The following PROSER1 variants were observed in gnomAD, a reference collection of about 807,000 sequenced individuals.
PROSER1 encodes proline and serine rich 1.
In PROSER1, 36 loss-of-function variants were observed where a neutral mutation model predicts 71.8. The observed-to-expected ratio is 0.50, with a 90% CI of 0.38 to 0.66. PROSER1 has a LOEUF of 0.66. Ranked by LOEUF, PROSER1 falls within the 30% of genes least tolerant of loss-of-function variation. The probability of loss-of-function intolerance (pLI) is 0.00; values close to 1 mark genes in which losing one functional copy is unlikely to be tolerated. For synonymous variants in PROSER1, 490 were observed against 452.4 expected (o/e 1.08, Z -1.06); for missense variants, 1,107 against 1,135.0 (o/e 0.98, Z 0.35).
In PROSER1 at chr13:39,013,140, G is replaced by C; in HGVS notation, c.2112C>G (p.Thr704=). 2 of 1,614,054 alleles carry C rather than the reference G, an allele frequency of 1.2e-6. No homozygotes were observed. The highest frequency in any genetic ancestry group is 1.7e-6 in the Non-Finnish European group (2 of 1,179,996). The change falls in exon 11 of 13, where the codon ACC becomes ACG. Residue 704 remains threonine, a synonymous_variant. Coordinates refer to ENST00000352251, the MANE Select transcript of PROSER1 (RefSeq NM_025138.5). ...FTALPSFTSL[T]NNFPLTGNPS... is the part of the protein sequence containing the mutation. ...GGTTGCCAGTTAAAGGAAAATTGTT[G>C]GTCAAAGAAGTAAAAGAAGGAAGAG... is the stretch of plus-strand genomic sequence containing the variant.
At chr13:39,034,332 C>A in intron 1 of PROSER1, 136 bp from the exon 2 acceptor site, 1 of 563,494 alleles carries the variant, frequency 1.8e-6, no homozygotes, top group Non-Finnish European at 3.0e-6. Context: ...TTCAGAGGAA[C>A]TAAGGTCACT....
Position 39,037,405 on chromosome 13 carries a change from C to A in PROSER1, c.-163G>T. On this transcript the variant is annotated 5_prime_UTR_variant, in exon 1 of 13. Transcript: ENST00000352251. ...GAGGTAGAGAGTATTGCAAACTTCGCAAAAAAAATTTCTAAAAATTGAGAT... is the reference window on the plus strand; with the variant it reads ...GAGGTAGAGAGTATTGCAAACTTCGAAAAAAAAATTTCTAAAAATTGAGAT... 1 of 579,006 alleles carries A rather than the reference C, an allele frequency of 1.7e-6. No homozygotes were observed. The highest frequency in any genetic ancestry group is 3.1e-6 in the Non-Finnish European group (1 of 322,552). 35.9% of individuals were successfully genotyped at this position (579,006 alleles called of 1,614,324 possible).
At position 39,030,576 on chromosome 13, in the gene PROSER1, C is replaced by G. The variant is rs143909746; in HGVS notation, c.180+987G>C. Among the ~76,000 whole-genome samples the G allele has an allele frequency of 4.3e-3, 652 of 152,194 alleles. 9 individuals are homozygous for G. The highest frequency in any genetic ancestry group is 0.015 in the African/African-American group (631 of 41,536). On this transcript the variant is annotated intron_variant, in intron 3 of 12. Coordinates refer to ENST00000352251, the MANE Select transcript of PROSER1 (RefSeq NM_025138.5). ...AGTTAGGACTAAAGGAGCATACCAC[C>G]ACACCCAGCTAATTTAAATTTTTTA...
At chr13:39,017,744 T>C in intron 9 of PROSER1, 200 bp from the exon 10 acceptor site, 1 of 445,874 alleles carries the variant, frequency 2.2e-6, no homozygotes, top group Non-Finnish European at 3.9e-6. Flanking sequence ...TACTACTCTA[T>C]CTGAAGAGCA....
At chr13:39,028,904 C>T (rs538845510) in intron 4 of PROSER1, 1 of 158,024 alleles carries the variant, frequency 6.3e-6, no homozygotes. Context: ...TGGGTATGAG[C>T]CTTATTTTTA....
At chr13:39,029,837 A>T (rs1258122648) in intron 3 of PROSER1, among the ~76,000 whole-genome samples, 1 of 152,214 alleles carries the variant, frequency 6.6e-6, no homozygotes, top group Non-Finnish European at 1.5e-5. Flanking sequence ...CACTAGCCAT[A>T]TAAGGTAGGG....
At chr13:39,036,591 C>T (rs921287037) in intron 1 of PROSER1, among the ~76,000 whole-genome samples, 1 of 151,666 alleles carries the variant, frequency 6.6e-6, no homozygotes, top group Non-Finnish European at 1.5e-5. Context: ...CTGGTTCACT[C>T]TGGGAAATGC....
intron 6 of PROSER1, 113 bp from the exon 7 acceptor site, chr13:39,024,669 A>G (rs1021035470): frequency 6.8e-6 from 5 of 735,872 alleles, no homozygotes; most frequent in African/African-American, 5.3e-5. Flanking sequence ...GTAAGAGTGT[A>G]AAGACTTGCA....
In PROSER1 at chr13:39,037,511, C is replaced by G. The variant is rs918602968; in HGVS notation, c.-269G>C. ...TTATTCACACAATGGTTCAGGGCACCTCGGGCAAGAGCCAGGTCCTCTGAG... is the reference window on the plus strand; with the variant it reads ...TTATTCACACAATGGTTCAGGGCACGTCGGGCAAGAGCCAGGTCCTCTGAG... On this transcript the variant is annotated 5_prime_UTR_variant, in exon 1 of 13. Coordinates refer to ENST00000352251, the MANE Select transcript of PROSER1 (RefSeq NM_025138.5). 6 of 363,364 alleles carry G rather than the reference C, an allele frequency of 1.7e-5. No homozygotes were observed. Among genetic ancestry groups the G allele is most frequent in the African/African-American group, 1.0e-4 (5 of 47,744 alleles). The allele number at this position is 363,364 out of a possible 1,614,324, so 22.5% of individuals were successfully genotyped here.
chr13:39,023,206 A>G, intron 7 of PROSER1, 76 bp from the exon 8 acceptor site: 1 of 1,101,412 alleles, frequency 9.1e-7, no homozygotes, highest in South Asian at 1.3e-5. Context: ...CTTTCAAAAT[A>G]TTTAGTCCTA....
intron 10 of PROSER1, among the ~76,000 whole-genome samples, chr13:39,016,645 A>C (rs1334333187): frequency 6.6e-6 from 1 of 152,220 alleles, no homozygotes; most frequent in African/African-American, 2.4e-5. Context: ...AAATTTCCTC[A>C]ATCTCCTTTT....
chr13:39,019,554 G>A (rs868177671), intron 9 of PROSER1, among the ~76,000 whole-genome samples: 5 of 148,452 alleles, frequency 3.4e-5, no homozygotes, highest in Middle Eastern at 3.2e-3. Context: ...AGAGAATATG[G>A]AAGTAAAATG....
chr13:39,036,670 G>GTTATTGACGGCCAAT (rs1331567341), intron 1 of PROSER1, among the ~76,000 whole-genome samples: 2 of 152,144 alleles, frequency 1.3e-5, no homozygotes, highest in Non-Finnish European at 2.9e-5. Flanking sequence ...TGAAGCTCAA[G>GTTATTGACGGCCAAT]TTATTGACGG....
intron 1 of PROSER1, among the ~76,000 whole-genome samples, chr13:39,035,418 T>C (rs1044882658): frequency 3.3e-5 from 5 of 151,828 alleles, no homozygotes; most frequent in African/African-American, 1.2e-4. Context: ...ACCTAGGGAG[T>C]CTTGAGCTGA....
chr13:39,027,133 T>C (rs140799095), intron 5 of PROSER1, among the ~76,000 whole-genome samples: 61 of 152,296 alleles, frequency 4.0e-4, no homozygotes, highest in African/African-American at 1.5e-3. Flanking sequence ...ATGTATTTTA[T>C]TATATATTGG....
intron 9 of PROSER1, 192 bp from the exon 10 acceptor site, chr13:39,017,736 C>T (rs905118837): frequency 2.1e-6 from 1 of 466,826 alleles, no homozygotes; most frequent in Non-Finnish European, 3.7e-6. Flanking sequence ...TAATACTTTA[C>T]TACTCTATCT....
rs541430636 is a variant in PROSER1 at position 39,023,064 on chromosome 13, T to C, written c.631A>G (p.Thr211Ala). 1.4e-5 allele frequency: 22 copies of C among 1,612,140 alleles called. No individual in the cohort carries two copies. The East Asian group carries it at 4.7e-4, about 34-fold the overall frequency. Reference sequence around the variant, plus strand: ...GGGAACTCCTTACTTGGTGCAATAGTTGCATGTGGTCGGCATGGAGGTATC... The same window carrying C: ...GGGAACTCCTTACTTGGTGCAATAGCTGCATGTGGTCGGCATGGAGGTATC... ...YPIPPCRPHA[T>A]IAPSAYNNAG... is the part of the protein sequence containing the mutation. The change falls in exon 8 of 13, where the codon ACT becomes GCT. Residue 211 changes from threonine to alanine, a missense_variant. Thr to Ala is a moderately conservative substitution (Grantham distance 58). Coordinates refer to ENST00000352251, the MANE Select transcript of PROSER1 (RefSeq NM_025138.5).
At chr13:39,023,151 C>T (rs752033476) in intron 7 of PROSER1, 21 bp from the exon 8 acceptor site, 43 of 1,581,010 alleles carry the variant, frequency 2.7e-5, no homozygotes, top group Middle Eastern at 1.7e-4. Flanking sequence ...GGGGAAAATA[C>T]AGCAGTTAGA....
chr13:39,026,905 G>T (rs1870572662), intron 5 of PROSER1, among the ~76,000 whole-genome samples: 1 of 152,156 alleles, frequency 6.6e-6, no homozygotes, highest in African/African-American at 2.4e-5. Flanking sequence ...ACATATTTAT[G>T]AGAAATAGTG....
Sources: allele counts gnomAD v4.1 joint callset (sites outside exome capture counted in the v4.1 genomes callset), GRCh38; gene constraint gnomAD v4.1.1; transcripts MANE v1.5; gene names NCBI Gene and HGNC (gene_info 2026-07-23, HGNC 2026-07-21).